Variants in SVEP1 observed in about 807,000 individuals in gnomAD.
The protein encoded by SVEP1 is sushi, von Willebrand factor type A, EGF and pentraxin domain-containing protein 1.
In SVEP1, 164 loss-of-function variants were observed where a neutral mutation model predicts 367.3. That is an observed-to-expected ratio of 0.45 (90% CI 0.39 to 0.51). The LOEUF is 0.51. Ranked by LOEUF, SVEP1 falls within the 20% of genes least tolerant of loss-of-function variation. SVEP1 has a pLI of 0.00. For synonymous variants in SVEP1, 1,666 were observed against 1,611.6 expected (o/e 1.03, Z -0.81); for missense variants, 4,117 against 4,425.3 (o/e 0.93, Z 1.98).
chr9:110,413,506 C>T (rs1031727223), intron 36 of SVEP1, among the ~76,000 whole-genome samples: 1 of 151,148 alleles, frequency 6.6e-6, no homozygotes, highest in Non-Finnish European at 1.5e-5. Flanking sequence ...CTAACCTGCA[C>T]AATGTGCACA....
intron 6 of SVEP1, among the ~76,000 whole-genome samples, chr9:110,499,687 TC>T (rs1162555091): frequency 6.6e-6 from 1 of 152,226 alleles, no homozygotes; most frequent in Non-Finnish European, 1.5e-5. Flanking sequence ...CTAATAGCCT[TC>T]CTAAAATCAC....
chr9:110,396,575 A>C (rs1446931732), intron 40 of SVEP1, among the ~76,000 whole-genome samples: 3 of 147,642 alleles, frequency 2.0e-5, no homozygotes, highest in Non-Finnish European at 4.5e-5. Context: ...CTTTTTGAAA[A>C]GATCAACAAA....
intron 39 of SVEP1, among the ~76,000 whole-genome samples, chr9:110,403,296 G>GTGGTTTTTTTTTTTTT: frequency 2.3e-5 from 1 of 43,462 alleles, no homozygotes; most frequent in East Asian, 6.8e-4. Context: ...CGCCACCGCC[G>GTGGTTTTTTTTTTTTT]TTTTTTTTTT....
chr9:110,392,133 T>TTATATATATATATATA lies in SVEP1; in HGVS notation c.9823-2562_9823-2547dup, dbSNP rs35109985. ...CATTAACTTGTGACCCAATTCCTCA[T>TTATATATATATATATA]TATATATATATATATATATATCTCT... On this transcript the variant is annotated intron_variant, in intron 40 of 47. Transcript: ENST00000374469. Among the ~76,000 whole-genome samples the TTATATATATATATATA allele has an allele frequency of 3.2e-3, 314 of 99,530 alleles. 1 individual carries two copies. The highest frequency in any genetic ancestry group is 6.7e-3 in the African/African-American group (173 of 25,776). The allele number at this position is 99,530 out of a possible 152,430, so 65.3% of individuals were successfully genotyped here.
chr9:110,566,024 T>C (rs1413565852), intron 1 of SVEP1, among the ~76,000 whole-genome samples: 1 of 151,966 alleles, frequency 6.6e-6, no homozygotes, highest in Non-Finnish European at 1.5e-5. Flanking sequence ...GTAATAATAA[T>C]AATAACCTAA....
At chr9:110,415,718 T>C (rs1346458012) in intron 36 of SVEP1, among the ~76,000 whole-genome samples, 27 of 152,134 alleles carry the variant, frequency 1.8e-4, no homozygotes, top group South Asian at 1.2e-3. Context: ...CCTCCCTCTA[T>C]AATACTTGAC....
Position 110,469,110 on chromosome 9 carries a change from A to G in SVEP1, c.2999-9T>C. On this transcript the variant is annotated splice_polypyrimidine_tract_variant and intron_variant, in intron 16 of 47. Transcript: ENST00000374469. ...TCCCAAAGGGCAATTGACTACAGAA[A>G]AAGCAAACAGGAAACACTGAATAAA... is the stretch of plus-strand genomic sequence containing the variant. 3 of 1,608,118 alleles carry G rather than the reference A, an allele frequency of 1.9e-6. No individual in the cohort carries two copies. The highest frequency in any genetic ancestry group is 2.5e-6 in the Non-Finnish European group (3 of 1,176,900).
chr9:110,521,750 A>G (rs967951774), intron 3 of SVEP1, among the ~76,000 whole-genome samples: 2 of 152,158 alleles, frequency 1.3e-5, no homozygotes, highest in Non-Finnish European at 2.9e-5. Context: ...TTAAAATTTC[A>G]TTGGCAAGTA....
At chr9:110,438,960 A>G (rs1233635204) in intron 27 of SVEP1, among the ~76,000 whole-genome samples, 1 of 152,184 alleles carries the variant, frequency 6.6e-6, no homozygotes, top group East Asian at 1.9e-4. Flanking sequence ...TATGTCGAAA[A>G]CCATATACAC....
At chr9:110,520,406 T>C (rs527613439) in intron 3 of SVEP1, among the ~76,000 whole-genome samples, 3 of 152,204 alleles carry the variant, frequency 2.0e-5, no homozygotes, top group Non-Finnish European at 4.4e-5. Context: ...GTTTCCTTCC[T>C]GGAAATGTAC....
At chr9:110,520,735 A>C (rs1191032274) in intron 3 of SVEP1, among the ~76,000 whole-genome samples, 1 of 152,316 alleles carries the variant, frequency 6.6e-6, no homozygotes, top group African/African-American at 2.4e-5. Flanking sequence ...TACATTTTAC[A>C]AAATTTCTCC....
intron 24 of SVEP1, among the ~76,000 whole-genome samples, chr9:110,447,508 T>TG (rs1307015693): frequency 6.6e-6 from 1 of 152,150 alleles, no homozygotes; most frequent in Non-Finnish European, 1.5e-5. Flanking sequence ...AGTGGTGGAG[T>TG]GGGGTTTTGA....
Position 110,466,760 on chromosome 9 carries a change from C to CAAAAA in SVEP1, c.3161-739_3161-735dup, listed in dbSNP as rs71371670. 1.9e-3 allele frequency among the ~76,000 whole-genome samples: 87 copies of CAAAAA among 46,394 alleles called. 24 individuals are homozygous for CAAAAA. The highest frequency in any genetic ancestry group is 0.014 in the Middle Eastern group (1 of 72). 30.4% of individuals were successfully genotyped at this position (46,394 alleles called of 152,430 possible). A position where few individuals can be genotyped will look rare whatever the true frequency, so the allele number is the denominator to read the frequency against. On this transcript the variant is annotated intron_variant, in intron 17 of 47. Coordinates refer to ENST00000374469, the MANE Select transcript of SVEP1 (RefSeq NM_153366.4). ...TGGGCGACAGAGCGAGACTCCATCT[C>CAAAAA]AAAAAAAAAAAAAAAAAAGAACTGG...
chr9:110,427,846 G>T (rs185955240), intron 35 of SVEP1, 88 bp from the exon 36 acceptor site: 61 of 1,450,650 alleles, frequency 4.2e-5, no homozygotes, highest in Non-Finnish European at 4.7e-5. Flanking sequence ...GAAAATAAGG[G>T]ACATTTGAGG....
chr9:110,436,175 A>G (rs1828428216), intron 28 of SVEP1, among the ~76,000 whole-genome samples: 2 of 152,020 alleles, frequency 1.3e-5, no homozygotes, highest in Admixed American at 6.6e-5. Flanking sequence ...TAAGAATATC[A>G]CCAAGAAACT....
chr9:110,445,429 G>C (rs1828577608), intron 26 of SVEP1, among the ~76,000 whole-genome samples: 1 of 152,144 alleles, frequency 6.6e-6, no homozygotes, highest in Non-Finnish European at 1.5e-5. Flanking sequence ...TTAACTTTTA[G>C]AGATCCTATT....
chr9:110,425,864 A>G (rs1380123709), intron 36 of SVEP1, among the ~76,000 whole-genome samples: 3 of 152,292 alleles, frequency 2.0e-5, no homozygotes, highest in South Asian at 2.1e-4. Flanking sequence ...AATATTACCA[A>G]TATTTGTCTT....
chr9:110,548,888 C>T (rs891900985), intron 2 of SVEP1, among the ~76,000 whole-genome samples: 7 of 152,028 alleles, frequency 4.6e-5, no homozygotes, highest in African/African-American at 1.7e-4. Flanking sequence ...TTTGGGAGGC[C>T]CAGGTGGGAG....
intron 21 of SVEP1, 120 bp downstream of exon 21, chr9:110,457,136 C>T: frequency 1.4e-6 from 1 of 719,876 alleles, no homozygotes; most frequent in Non-Finnish European, 2.1e-6. Context: ...CAAATTTTGG[C>T]ACATTTACAT....
Sources: allele counts gnomAD v4.1 joint callset (sites outside exome capture counted in the v4.1 genomes callset), GRCh38; gene constraint gnomAD v4.1.1; transcripts MANE v1.5; gene names NCBI Gene and HGNC (gene_info 2026-07-23, HGNC 2026-07-21).